Variants in AFG1L observed in about 807,000 individuals in gnomAD.
The protein encoded by AFG1L is AFG1-like ATPase.
AFG1L carries 53 observed loss-of-function variants against 62.2 expected under a neutral mutation model. The ratio of observed to expected loss-of-function variants is 0.85; its 90% CI spans 0.68 to 1.07. The LOEUF is 1.07. Ranked by LOEUF, AFG1L falls within the 50% of genes least tolerant of loss-of-function variation. The pLI is 0.00. For synonymous variants in AFG1L, 228 were observed against 210.3 expected (o/e 1.08, Z -0.73); for missense variants, 555 against 590.5 (o/e 0.94, Z 0.62).
At chr6:108,460,632 A>G (rs1246371741) in intron 8 of AFG1L, among the ~76,000 whole-genome samples, 1 of 152,042 alleles carries the variant, frequency 6.6e-6, no homozygotes, top group East Asian at 1.9e-4. Flanking sequence ...AGGTCTCACT[A>G]TGTTGCCAAG....
intron 6 of AFG1L, among the ~76,000 whole-genome samples, chr6:108,370,667 G>T (rs1779964977): frequency 6.6e-6 from 1 of 152,122 alleles, no homozygotes; most frequent in Admixed American, 6.5e-5. Flanking sequence ...ACAGCACTTG[G>T]ATATAGGTTG....
chr6:108,394,861 C>T (rs1010873274), intron 6 of AFG1L, among the ~76,000 whole-genome samples: 1 of 152,172 alleles, frequency 6.6e-6, no homozygotes, highest in South Asian at 2.1e-4. Context: ...TTTACCACTT[C>T]CCACAATCAT....
At chr6:108,365,458 C>A (rs1309113861) in intron 5 of AFG1L, among the ~76,000 whole-genome samples, 1 of 135,650 alleles carries the variant, frequency 7.4e-6, no homozygotes, top group East Asian at 2.1e-4. Flanking sequence ...TTTTAAGGGA[C>A]TATATTAGCC....
At chr6:108,457,640 A>C (rs1772303708) in intron 8 of AFG1L, among the ~76,000 whole-genome samples, 1 of 152,050 alleles carries the variant, frequency 6.6e-6, no homozygotes, top group Admixed American at 6.6e-5. Context: ...AGATTTTTAA[A>C]ATAAGAAAAA....
chr6:108,430,010 C>T (rs181401746), intron 7 of AFG1L, among the ~76,000 whole-genome samples: 25 of 152,054 alleles, frequency 1.6e-4, no homozygotes, highest in African/African-American at 4.8e-4. Context: ...TGCAGTGGCA[C>T]GATCTCAGCT....
chr6:108,365,342 C>T (rs1367300325), intron 5 of AFG1L, among the ~76,000 whole-genome samples: 3 of 151,986 alleles, frequency 2.0e-5, no homozygotes, highest in Non-Finnish European at 2.9e-5. Flanking sequence ...AAGCTTACTT[C>T]GTAATTGTGA....
intron 7 of AFG1L, among the ~76,000 whole-genome samples, chr6:108,430,745 A>C (rs1771036331): frequency 6.6e-6 from 1 of 152,194 alleles, no homozygotes; most frequent in Non-Finnish European, 1.5e-5. Context: ...ACTGTGACTA[A>C]ACATTTATTC....
chr6:108,397,632 C>T (rs1261300654), intron 6 of AFG1L, among the ~76,000 whole-genome samples: 1 of 152,136 alleles, frequency 6.6e-6, no homozygotes, highest in East Asian at 1.9e-4. Context: ...CCTTCCCAGC[C>T]TCTGGTGACC....
intron 7 of AFG1L, among the ~76,000 whole-genome samples, chr6:108,443,530 T>C (rs190878687): frequency 1.5e-4 from 23 of 152,288 alleles, no homozygotes; most frequent in African/African-American, 5.3e-4. Context: ...TATTTTACAA[T>C]GTACAAGTCT....
intron 7 of AFG1L, among the ~76,000 whole-genome samples, chr6:108,443,873 GAA>G (rs577214167): frequency 1.1e-3 from 159 of 143,402 alleles, no homozygotes; most frequent in Middle Eastern, 3.5e-3. Flanking sequence ...AGACTCTGTC[GAA>G]AAAAAAAAAA....
intron 7 of AFG1L, among the ~76,000 whole-genome samples, chr6:108,433,278 T>C (rs1771156050): frequency 6.6e-6 from 1 of 151,804 alleles, no homozygotes. Context: ...ATTGTTATTA[T>C]TATTATTATT....
chr6:108,417,287 C>A (rs9486879), intron 7 of AFG1L, among the ~76,000 whole-genome samples: 7,834 of 81,178 alleles, frequency 0.097, 254 homozygotes, highest in Middle Eastern at 0.17. Flanking sequence ...CACACACACA[C>A]AAAAAAAAAA....
intron 7 of AFG1L, among the ~76,000 whole-genome samples, chr6:108,413,425 C>T (rs1440529742): frequency 6.6e-6 from 1 of 152,238 alleles, no homozygotes; most frequent in Non-Finnish European, 1.5e-5. Flanking sequence ...ACCTAATAGA[C>T]ATCTACAGAA....
chr6:108,368,638 T>C (rs1779859885), intron 6 of AFG1L, among the ~76,000 whole-genome samples: 1 of 152,202 alleles, frequency 6.6e-6, no homozygotes, highest in African/African-American at 2.4e-5. Flanking sequence ...CTACTACAGC[T>C]GATGTGTTGA....
chr6:108,463,467 A>G (rs1451716714), intron 8 of AFG1L, among the ~76,000 whole-genome samples: 1 of 151,870 alleles, frequency 6.6e-6, no homozygotes, highest in African/African-American at 2.4e-5. Context: ...TCCATTTTAA[A>G]AAGAAGTATT....
chr6:108,317,681 A>G (rs1777657625), intron 1 of AFG1L, among the ~76,000 whole-genome samples: 1 of 152,284 alleles, frequency 6.6e-6, no homozygotes, highest in South Asian at 2.1e-4. Flanking sequence ...TTAGTCTTAC[A>G]AAGGTGGCTT....
intron 10 of AFG1L, among the ~76,000 whole-genome samples, chr6:108,492,822 T>C (rs903087758): frequency 1.3e-5 from 2 of 152,152 alleles, no homozygotes; most frequent in Admixed American, 1.3e-4. Context: ...TTTTTCTTTG[T>C]TCTTTATGAC....
chr6:108,340,695 G>A (rs1778649501), intron 2 of AFG1L, among the ~76,000 whole-genome samples: 1 of 152,142 alleles, frequency 6.6e-6, no homozygotes, highest in South Asian at 2.1e-4. Context: ...GGAATTTAAT[G>A]TGATGGGCCC....
At chr6:108,468,271 T>C (rs960973671) in intron 8 of AFG1L, among the ~76,000 whole-genome samples, 1 of 152,188 alleles carries the variant, frequency 6.6e-6, no homozygotes, top group Non-Finnish European at 1.5e-5. Flanking sequence ...GGGAAATATA[T>C]ATTTTGAAAA....
Sources: allele counts gnomAD v4.1 joint callset (sites outside exome capture counted in the v4.1 genomes callset), GRCh38; gene constraint gnomAD v4.1.1; transcripts MANE v1.5; gene names NCBI Gene and HGNC (gene_info 2026-07-23, HGNC 2026-07-21).